Variants in FGGY observed in about 807,000 individuals in gnomAD.
The protein encoded by FGGY is FGGY carbohydrate kinase domain containing, also known as FGGY carbohydrate kinase domain-containing protein.
Under a neutral mutation model 71.3 loss-of-function variants are expected in FGGY, and 72 were observed. That is an observed-to-expected ratio of 1.01 (90% CI 0.84 to 1.23). FGGY has a LOEUF of 1.23. FGGY is among the 50% of genes most tolerant of loss of function. The pLI is 0.00. For missense variants in FGGY, 668 were observed against 682.3 expected, an observed-to-expected ratio of 0.98 and a Z score of 0.23; for synonymous variants, 251 against 250.3, an observed-to-expected ratio of 1.00 and a Z score of -0.02.
chr1:59,541,947 AAT>A (rs1296439993), intron 7 of FGGY, among the ~76,000 whole-genome samples: 8 of 152,312 alleles, frequency 5.3e-5, no homozygotes, highest in African/African-American at 1.9e-4. Context: ...GTAAGAATTA[AAT>A]AAGTTAATTT....
At chr1:59,443,184 T>C (rs2070368688) in intron 5 of FGGY, among the ~76,000 whole-genome samples, 1 of 152,162 alleles carries the variant, frequency 6.6e-6, no homozygotes, top group Non-Finnish European at 1.5e-5. Context: ...CAAGGAAATA[T>C]TTGTTTTATA....
intron 5 of FGGY, among the ~76,000 whole-genome samples, chr1:59,452,445 G>T (rs1053880743): frequency 5.1e-4 from 77 of 152,116 alleles, no homozygotes; most frequent in Admixed American, 5.0e-3. Flanking sequence ...CTTCCAGAAA[G>T]AATTTTTTGC....
intron 14 of FGGY, among the ~76,000 whole-genome samples, chr1:59,727,092 T>A (rs2097956616): frequency 1.3e-5 from 2 of 152,158 alleles, no homozygotes; most frequent in African/African-American, 4.8e-5. Flanking sequence ...CATGTTTATG[T>A]CCATGTCTGC....
At chr1:59,702,697 C>T (rs192386246) in intron 14 of FGGY, among the ~76,000 whole-genome samples, 2 of 152,244 alleles carry the variant, frequency 1.3e-5, no homozygotes, top group East Asian at 3.9e-4. Flanking sequence ...GAGCAACTAG[C>T]CATCTTCAAA....
At chr1:59,611,280 C>T (rs1335520613) in intron 9 of FGGY, among the ~76,000 whole-genome samples, 4 of 152,222 alleles carry the variant, frequency 2.6e-5, no homozygotes, top group Non-Finnish European at 5.9e-5. Flanking sequence ...GGCCGACTGA[C>T]ACCTCATACA....
intron 6 of FGGY, among the ~76,000 whole-genome samples, chr1:59,490,434 T>G (rs2093794273): frequency 1.3e-5 from 2 of 152,196 alleles, no homozygotes; most frequent in Admixed American, 6.5e-5. Flanking sequence ...GACCAATGAA[T>G]AGTTTGCAAG....
chr1:59,519,467 T>G (rs991057971), intron 7 of FGGY, among the ~76,000 whole-genome samples: 31 of 151,998 alleles, frequency 2.0e-4, no homozygotes, highest in Admixed American at 1.9e-3. Context: ...AAATTGAGAC[T>G]TAAACAATTA....
chr1:59,495,232 T>C (rs1372018482), intron 6 of FGGY, among the ~76,000 whole-genome samples: 2 of 152,176 alleles, frequency 1.3e-5, no homozygotes, highest in African/African-American at 4.8e-5. Flanking sequence ...TGGGTATTAA[T>C]CCTTTGTTGG....
intron 15 of FGGY, among the ~76,000 whole-genome samples, chr1:59,759,653 C>T (rs1404786654): frequency 6.6e-6 from 1 of 152,194 alleles, no homozygotes; most frequent in African/African-American, 2.4e-5. Context: ...GCAGGCAACC[C>T]AGAGATTTGC....
intron 14 of FGGY, among the ~76,000 whole-genome samples, chr1:59,723,722 C>T (rs1325711103): frequency 6.6e-6 from 1 of 152,204 alleles, no homozygotes; most frequent in East Asian, 1.9e-4. Flanking sequence ...TACATTCCAT[C>T]ATGGGATCCC....
At chr1:59,708,427 G>A (rs938489369) in intron 14 of FGGY, among the ~76,000 whole-genome samples, 1 of 152,082 alleles carries the variant, frequency 6.6e-6, no homozygotes, top group Non-Finnish European at 1.5e-5. Flanking sequence ...CCTAGACCAG[G>A]GGAATACCAG....
At chr1:59,735,262 C>T (rs2098090283) in intron 14 of FGGY, among the ~76,000 whole-genome samples, 1 of 152,184 alleles carries the variant, frequency 6.6e-6, no homozygotes, top group Non-Finnish European at 1.5e-5. Flanking sequence ...TAGACAAGCC[C>T]TCTGAGGTAA....
chr1:59,474,792 A>T (rs1328296889), intron 6 of FGGY, among the ~76,000 whole-genome samples: 1 of 152,238 alleles, frequency 6.6e-6, no homozygotes, highest in African/African-American at 2.4e-5. Flanking sequence ...TGCCTATGGT[A>T]ATAGTTAAGA....
chr1:59,353,329 A>G (rs370868830), intron 4 of FGGY, among the ~76,000 whole-genome samples: 27 of 152,310 alleles, frequency 1.8e-4, no homozygotes, highest in African/African-American at 5.8e-4. Flanking sequence ...GTAACATCCT[A>G]TCACTAACTG....
In FGGY at chr1:59,589,273, G is replaced by T. The variant is rs978835528; in HGVS notation, c.904-18530G>T. Among the ~76,000 whole-genome samples the T allele has an allele frequency of 3.3e-5, 5 of 152,060 alleles. No homozygotes were observed. In the East Asian group the frequency reaches 7.7e-4, roughly 23 times the overall value. On this transcript the variant is annotated intron_variant, in intron 8 of 15. Transcript: ENST00000303721. ...ATATATGCACCCAATACAGGAGCAC[G>T]CAGTTTCATAATGCAAGTCCTGAGT...
chr1:59,418,018 T>A (rs549725290), intron 5 of FGGY, among the ~76,000 whole-genome samples: 2 of 152,326 alleles, frequency 1.3e-5, no homozygotes, highest in Admixed American at 6.5e-5. Context: ...GATTGATCAC[T>A]TATAGCTGGG....
intron 8 of FGGY, among the ~76,000 whole-genome samples, chr1:59,574,933 A>C (rs2096053794): frequency 6.6e-6 from 1 of 152,182 alleles, no homozygotes; most frequent in African/African-American, 2.4e-5. Flanking sequence ...TGAGAAAAAT[A>C]GTTATCTTTT....
At chr1:59,735,577 ATTAC>A (rs1255157847) in intron 14 of FGGY, among the ~76,000 whole-genome samples, 1 of 152,188 alleles carries the variant, frequency 6.6e-6, no homozygotes, top group African/African-American at 2.4e-5. Flanking sequence ...AGAATTAGTG[ATTAC>A]TTCTCAACCC....
At chr1:59,467,892 T>C (rs950694668) in intron 6 of FGGY, among the ~76,000 whole-genome samples, 3 of 127,636 alleles carry the variant, frequency 2.4e-5, no homozygotes, top group Non-Finnish European at 5.5e-5. Flanking sequence ...TTCTTGTTTT[T>C]TTTGTTTTGT....
Sources: gnomAD v4.1 joint callset for allele counts (sites outside exome capture counted in the v4.1 genomes callset) on GRCh38, gnomAD v4.1.1 for gene constraint, MANE v1.5 for transcripts, NCBI Gene and HGNC (gene_info 2026-07-23, HGNC 2026-07-21) for gene names.